Variants in TIMM44 observed in about 807,000 individuals in gnomAD.
The protein encoded by TIMM44 is mitochondrial import inner membrane translocase subunit TIM44.
Under a neutral mutation model 63.8 loss-of-function variants are expected in TIMM44, and 37 were observed. The observed-to-expected ratio is 0.58, with a 90% confidence interval of 0.45 to 0.76. The LOEUF (loss-of-function observed/expected upper bound fraction) is 0.76, where lower values mean the gene tolerates loss of function less well. Among genes scored for constraint, TIMM44 ranks in the 30% least tolerant of loss-of-function variants. The pLI is 0.00. For missense variants in TIMM44, 573 were observed against 603.8 expected (o/e 0.95, Z 0.54); for synonymous variants, 239 against 245.1 (o/e 0.98, Z 0.23).
chr19:7,937,844 C>T (rs1175731216), intron 3 of TIMM44, 183 bp downstream of exon 3: 2 of 666,446 alleles, frequency 3.0e-6, no homozygotes, highest in East Asian at 6.0e-5. Context: ...ATGGTGAAAC[C>T]TCTTCACTAC....
chr19:7,927,952 C>A, intron 11 of TIMM44, 125 bp downstream of exon 11: 1 of 1,161,012 alleles, frequency 8.6e-7, no homozygotes, highest in South Asian at 1.3e-5. Context: ...TCCCCTTGGA[C>A]AAGCCCAAGA....
At chr19:7,931,057 C>A in intron 10 of TIMM44, 81 bp downstream of exon 10, 1 of 1,386,420 alleles carries the variant, frequency 7.2e-7, no homozygotes, top group South Asian at 1.2e-5. Context: ...GCTACCCCAA[C>A]GGAGCCACCG....
At chr19:7,935,512 T>A (rs1984127787) in intron 3 of TIMM44, among the ~76,000 whole-genome samples, 1 of 152,172 alleles carries the variant, frequency 6.6e-6, no homozygotes, top group African/African-American at 2.4e-5. Context: ...CAGTGACATT[T>A]CTCTTACAGC....
chr19:7,939,681 C>T (rs901957981), intron 2 of TIMM44, among the ~76,000 whole-genome samples: 2 of 151,142 alleles, frequency 1.3e-5, no homozygotes, highest in African/African-American at 2.4e-5. Context: ...TTTGGGAGAC[C>T]GAGGTGGGCG....
intron 1 of TIMM44, among the ~76,000 whole-genome samples, chr19:7,941,780 GGAA>G (rs1433628063): frequency 6.6e-6 from 1 of 152,118 alleles, no homozygotes; most frequent in African/African-American, 2.4e-5. Flanking sequence ...ACCCATGGGG[GGAA>G]GAAGGCTAAA....
chr19:7,927,198 G>A lies in TIMM44; in HGVS notation c.1348C>T (p.Gln450Ter). 6.2e-7 allele frequency: 1 copy of A among 1,609,468 alleles called. No individual in the cohort carries two copies. The change falls in exon 13 of 13, where the codon CAG becomes TAG. Residue 450 changes from glutamine (Q) to a stop codon, truncating the protein, a stop_gained. Coordinates refer to ENST00000270538, the MANE Select transcript of TIMM44 (RefSeq NM_006351.4). LOFTEE classifies it high-confidence loss of function. ...LLDISASSTE[Q>*]IL Reference sequence around the variant, plus strand: ...CTCCGGCACCACACTCAGAGAATCTGCTCGGTGCTGGAGGCCGAGATGTCC... The same window carrying A: ...CTCCGGCACCACACTCAGAGAATCTACTCGGTGCTGGAGGCCGAGATGTCC...
Position 7,934,185 on chromosome 19 carries a change from C to A in TIMM44, c.447G>T (p.Val149=). 1 of 1,613,604 alleles carries A rather than the reference C, an allele frequency of 6.2e-7. No individual in the cohort carries two copies. The highest frequency in any genetic ancestry group is 8.5e-7 in the Non-Finnish European group (1 of 1,179,988). The change falls in exon 5 of 13, where the codon GTG becomes GTT. Residue 149 remains valine, a synonymous_variant. Coordinates refer to ENST00000270538, the MANE Select transcript of TIMM44 (RefSeq NM_006351.4). This position sits in a 1 kb window ranked among gnomAD's most constrained non-coding sequence, Gnocchi z 5.3. ...SDLGRKIKEG[V]EEAAKTAKQS... is the part of the protein sequence containing the mutation. ...GCTTGGCCGTCTTGGCTGCTTCCTC[C>A]ACGCCCTCCTTGATTTTCCGGCCGA... is the stretch of plus-strand genomic sequence containing the variant.
At chr19:7,940,665 G>A (rs1011702148) in intron 2 of TIMM44, among the ~76,000 whole-genome samples, 27 of 152,116 alleles carry the variant, frequency 1.8e-4, no homozygotes, top group Admixed American at 1.5e-3. Flanking sequence ...GACACCAACA[G>A]AAGCACAGTT....
intron 9 of TIMM44, 170 bp downstream of exon 9, chr19:7,932,457 A>G: frequency 2.2e-6 from 2 of 899,218 alleles, no homozygotes; most frequent in Admixed American, 2.5e-5. Flanking sequence ...CTTCGGGCAC[A>G]GCTCATGGGG....
In TIMM44 at chr19:7,934,386, A is replaced by G; in HGVS notation, c.394-148T>C. ...CTTCTGTGCTCCTGTGGTACGCGGC[A>G]CCCCCAGAGCCATGAGCACAACGGC... On this transcript the variant is annotated intron_variant, in intron 4 of 12. Coordinates refer to ENST00000270538, the MANE Select transcript of TIMM44 (RefSeq NM_006351.4). The surrounding 1 kb of genome is among the most constrained non-coding windows in gnomAD (Gnocchi z 5.3). The G allele has an allele frequency of 8.5e-6, 9 of 1,060,730 alleles. No individual in the cohort carries two copies. The highest frequency in any genetic ancestry group is 1.3e-5 in the Non-Finnish European group (9 of 718,636). 65.7% of individuals were successfully genotyped at this position (1,060,730 alleles called of 1,614,324 possible).
intron 1 of TIMM44, among the ~76,000 whole-genome samples, chr19:7,942,322 G>A (rs1719961452): frequency 6.6e-6 from 1 of 152,106 alleles, no homozygotes; most frequent in African/African-American, 2.4e-5. Context: ...TGAGCTGGTG[G>A]CTCATGCCTG....
At chr19:7,931,349 C>T in intron 9 of TIMM44, 161 bp from the exon 10 acceptor site, 2 of 711,694 alleles carry the variant, frequency 2.8e-6, no homozygotes, top group South Asian at 1.5e-5. Context: ...CTGGGTGTCC[C>T]CCCCAGGCCC....
rs950669952 is a variant in TIMM44 at position 7,926,766 on chromosome 19, G to C, written c.*421C>G. 1 of 262,494 alleles carries C rather than the reference G, an allele frequency of 3.8e-6. No homozygotes were observed. The highest frequency in any genetic ancestry group is 7.6e-6 in the Non-Finnish European group (1 of 131,032). The allele number at this position is 262,494 out of a possible 1,614,324, so 16.3% of individuals were successfully genotyped here. A position where few individuals can be genotyped will look rare whatever the true frequency, so the allele number is the denominator to read the frequency against. On this transcript the variant is annotated 3_prime_UTR_variant, in exon 13 of 13. Coordinates refer to ENST00000270538, the MANE Select transcript of TIMM44 (RefSeq NM_006351.4). ...TATTCTTTCCAAATCTCAGGCTTAT[G>C]CACAAGATGGAAGAGCACTGTTAAA... is the stretch of plus-strand genomic sequence containing the variant.
At chr19:7,931,209 A>G in intron 9 of TIMM44, 21 bp from the exon 10 acceptor site, 2 of 1,612,488 alleles carry the variant, frequency 1.2e-6, no homozygotes, top group Non-Finnish European at 1.7e-6. Context: ...AGGGAAAATA[A>G]GCACCAGAAC....
chr19:7,937,644 G>A (rs375621040), intron 3 of TIMM44, among the ~76,000 whole-genome samples: 26 of 152,254 alleles, frequency 1.7e-4, no homozygotes, highest in Admixed American at 9.8e-4. Flanking sequence ...GCCCCCAACC[G>A]TCCAGCCCTG....
At position 7,933,342 on chromosome 19, in the gene TIMM44, G is replaced by T; in HGVS notation, c.769+143C>A. On this transcript the variant is annotated intron_variant, in intron 7 of 12. Transcript: ENST00000270538. The surrounding 1 kb of genome is among the most constrained non-coding windows in gnomAD (Gnocchi z 4.3). ...TCTACAGCCCCACCATCATGTGACC[G>T]CAAAGAAGTGACCGGCCCACTCTGA... 1.2e-6 allele frequency: 1 copy of T among 815,202 alleles called. No homozygotes were observed. Among genetic ancestry groups the T allele is most frequent in the Non-Finnish European group, 2.2e-6 (1 of 454,008 alleles). The allele number at this position is 815,202 out of a possible 1,614,324, so 50.5% of individuals were successfully genotyped here.
Position 7,927,640 on chromosome 19 carries a change from C to T in TIMM44, c.1239+17G>A, listed in dbSNP as rs1368635954. 1.9e-6 allele frequency: 3 copies of T among 1,610,428 alleles called. No homozygotes were observed. Among genetic ancestry groups the T allele is most frequent in the Non-Finnish European group, 2.5e-6 (3 of 1,177,856 alleles). On this transcript the variant is annotated intron_variant, in intron 12 of 12. Coordinates refer to ENST00000270538, the MANE Select transcript of TIMM44 (RefSeq NM_006351.4). ...AGGCGGTGTCATGTGCCTGCCCCAT[C>T]CCACTCCCTCACTCACCGGGTCACC...
rs966378069 is a variant in TIMM44, at chr19:7,934,043, G to C, written c.544-40C>G. ...CAGCGGGGCTGGGGTGGGTGTCTGG[G>C]TTCGGCCGCCCCAGGCTGCATGCCC... On this transcript the variant is annotated intron_variant, in intron 5 of 12. Coordinates refer to ENST00000270538, the MANE Select transcript of TIMM44 (RefSeq NM_006351.4). The surrounding 1 kb of genome is among the most constrained non-coding windows in gnomAD (Gnocchi z 5.3). 1.9e-6 allele frequency: 3 copies of C among 1,613,378 alleles called. No individual in the cohort carries two copies. The highest frequency in any genetic ancestry group is 2.7e-5 in the African/African-American group (2 of 75,052).
At chr19:7,937,128 A>G (rs1243404378) in intron 3 of TIMM44, among the ~76,000 whole-genome samples, 1 of 151,772 alleles carries the variant, frequency 6.6e-6, no homozygotes, top group East Asian at 1.9e-4. Context: ...AACAACAACA[A>G]ATCAGCTGGG....
Sources: allele counts gnomAD v4.1 joint callset (sites outside exome capture counted in the v4.1 genomes callset), GRCh38; gene constraint gnomAD v4.1.1; non-coding constraint Gnocchi (gnomAD v3.1); transcripts MANE v1.5; gene names NCBI Gene and HGNC (gene_info 2026-07-23, HGNC 2026-07-21).